Variants in TNS1 observed in about 807,000 individuals in gnomAD.
The protein encoded by TNS1 is tensin-1.
Under a neutral mutation model 168.6 loss-of-function variants are expected in TNS1, and 62 were observed. That is an observed-to-expected ratio of 0.37 (90% CI 0.30 to 0.45). The LOEUF (loss-of-function observed/expected upper bound fraction) is 0.45. Ranked by LOEUF, TNS1 falls within the 20% of genes least tolerant of loss-of-function variation. The pLI is 1.00. For missense variants in TNS1, 2,240 were observed against 2,339.4 expected, an observed-to-expected ratio of 0.96 and a Z score of 0.88; for synonymous variants, 934 against 933.2, an observed-to-expected ratio of 1.00 and a Z score of -0.02.
chr2:217,906,236 G>A (rs1047741481), intron 6 of TNS1, 99 bp downstream of exon 6: 4 of 671,560 alleles, frequency 6.0e-6, no homozygotes, highest in African/African-American at 5.3e-5. Flanking sequence ...AGAGGTAAAG[G>A]AAGCCCACGA....
chr2:217,840,203 G>A (rs1458971133), intron 19 of TNS1, among the ~76,000 whole-genome samples: 2 of 152,228 alleles, frequency 1.3e-5, no homozygotes, highest in African/African-American at 2.4e-5. Flanking sequence ...CTGCTCAGGG[G>A]CATGGTGTAG....
chr2:217,972,212 AG>A (rs1957788176), intron 3 of TNS1, among the ~76,000 whole-genome samples: 1 of 152,232 alleles, frequency 6.6e-6, no homozygotes, highest in Non-Finnish European at 1.5e-5. Context: ...AGAGAGGTTC[AG>A]TAACTTGCCC....
At chr2:217,963,292 C>A (rs148291228) in intron 3 of TNS1, among the ~76,000 whole-genome samples, 2,489 of 152,310 alleles carry the variant, frequency 0.016, 29 homozygotes, top group Non-Finnish European at 0.027. Flanking sequence ...GGATAATTGG[C>A]ACAGGTGCTC....
chr2:217,826,540 A>G (rs1943644431), intron 22 of TNS1, among the ~76,000 whole-genome samples: 1 of 152,136 alleles, frequency 6.6e-6, no homozygotes, highest in African/African-American at 2.4e-5. Flanking sequence ...CAGGAAAGAA[A>G]GTTCTTCCTA....
chr2:217,836,042 A>G lies in TNS1; in HGVS notation c.3177T>C (p.Ala1059=). The change falls in exon 20 of 33, where the codon GCT becomes GCC. Residue 1059 remains alanine, a synonymous_variant. Transcript: ENST00000682258. ...CVSPELALTI[A]LNPGGRPKEP... ...CTTTGGGCCGCCCTCCAGGATTGAGAGCGATGGTAAGAGCCAGCTCCGGGG... is the reference window on the plus strand; with the variant it reads ...CTTTGGGCCGCCCTCCAGGATTGAGGGCGATGGTAAGAGCCAGCTCCGGGG... 6.2e-7 allele frequency: 1 copy of G among 1,613,890 alleles called. No individual in the cohort carries two copies.
intron 1 of TNS1, among the ~76,000 whole-genome samples, chr2:218,001,725 G>A (rs999685937): frequency 6.6e-6 from 1 of 151,728 alleles, no homozygotes. Context: ...CCTCATTCCA[G>A]GCCCCCTCCC....
chr2:217,901,247 G>T (rs1177615257), intron 6 of TNS1, among the ~76,000 whole-genome samples: 1 of 152,152 alleles, frequency 6.6e-6, no homozygotes, highest in Non-Finnish European at 1.5e-5. Flanking sequence ...TGGATTCCAG[G>T]ATCCTGCTGG....
intron 3 of TNS1, among the ~76,000 whole-genome samples, chr2:217,973,056 A>G (rs1288577097): frequency 2.0e-5 from 3 of 152,226 alleles, no homozygotes; most frequent in Non-Finnish European, 4.4e-5. Flanking sequence ...ATGTGCTAAC[A>G]TAAAAGTGGA....
At chr2:218,024,602 T>C (rs1239808649) in intron 1 of TNS1, among the ~76,000 whole-genome samples, 3 of 152,054 alleles carry the variant, frequency 2.0e-5, no homozygotes, top group Non-Finnish European at 2.9e-5. Context: ...ATTCCCCTAA[T>C]GGTACTGCAG....
At chr2:217,839,073 C>T (rs1945569573) in intron 19 of TNS1, among the ~76,000 whole-genome samples, 1 of 151,884 alleles carries the variant, frequency 6.6e-6, no homozygotes, top group Non-Finnish European at 1.5e-5. Flanking sequence ...TACATACACA[C>T]ACACACACAC....
At position 217,909,102 on chromosome 2, in the gene TNS1, C is replaced by T. The variant is rs1477024614; in HGVS notation, c.229-1851G>A. 4.0e-5 allele frequency among the ~76,000 whole-genome samples: 6 copies of T among 150,740 alleles called. No homozygotes were observed. The East Asian group carries it at 5.9e-4, about 15-fold the overall frequency. ...CTACCAGGGACCACCCCCCACACCC[C>T]CTCCCCGCTAAAGCAGTGTCGCCCA... On this transcript the variant is annotated intron_variant, in intron 4 of 32. Transcript: ENST00000682258.
chr2:217,932,165 C>T (rs1052761886), intron 3 of TNS1, among the ~76,000 whole-genome samples: 2 of 152,164 alleles, frequency 1.3e-5, no homozygotes, highest in East Asian at 1.9e-4. Context: ...TCCATGAGAT[C>T]GTAACTCCTG....
intron 4 of TNS1, among the ~76,000 whole-genome samples, chr2:217,907,855 C>A (rs1177124362): frequency 6.6e-6 from 1 of 152,202 alleles, no homozygotes; most frequent in Non-Finnish European, 1.5e-5. Context: ...CCCCTAAACT[C>A]TTCTTGCCTG....
intron 32 of TNS1, among the ~76,000 whole-genome samples, chr2:217,805,509 A>ACACACCAC (rs1938516903): frequency 6.3e-5 from 4 of 63,746 alleles, no homozygotes; most frequent in African/African-American, 1.6e-4. Context: ...ACACACCACC[A>ACACACCAC]CACACACCAC....
At chr2:217,983,800 G>A (rs1217419604) in intron 2 of TNS1, among the ~76,000 whole-genome samples, 2 of 152,188 alleles carry the variant, frequency 1.3e-5, no homozygotes, top group African/African-American at 2.4e-5. Flanking sequence ...ACCCTGCCCT[G>A]CCAGTTCATC....
At chr2:217,941,067 C>A (rs1340084689) in intron 3 of TNS1, among the ~76,000 whole-genome samples, 2 of 152,224 alleles carry the variant, frequency 1.3e-5, no homozygotes, top group African/African-American at 4.8e-5. Flanking sequence ...GCCCGGACAA[C>A]CCGCATTATT....
At position 217,881,063 on chromosome 2, in the gene TNS1, G is replaced by A. The variant is rs780016804; in HGVS notation, c.1313-49C>T. The A allele has an allele frequency of 2.0e-5, 26 of 1,324,834 alleles. No homozygotes were observed. In the East Asian group the frequency reaches 4.6e-4, roughly 23 times the overall value. The allele number at this position is 1,324,834 out of a possible 1,614,324, so 82.1% of individuals were successfully genotyped here. On this transcript the variant is annotated intron_variant, in intron 17 of 32. Coordinates refer to ENST00000682258, the MANE Select transcript of TNS1 (RefSeq NM_001387777.1). ...GGCAGTCGGGGAGACAGTGCAGAGA[G>A]GGAAAAGAGATCAGCAGCTGGAAAA...
At position 217,919,823 on chromosome 2, in the gene TNS1, G is replaced by A. The variant is rs1056236646; in HGVS notation, c.228+372C>T. Among the ~76,000 whole-genome samples the A allele has an allele frequency of 3.3e-5, 5 of 152,286 alleles. 1 individual carries two copies. Among genetic ancestry groups the A allele is most frequent in the South Asian group, 4.1e-4 (2 of 4,822 alleles). On this transcript the variant is annotated intron_variant, in intron 4 of 32. Coordinates refer to ENST00000682258, the MANE Select transcript of TNS1 (RefSeq NM_001387777.1). ...GAATGGACTCTGAGGGTCATCCCCC[G>A]CCTCCAGCCCCAGGGTGCCTGACCC...
chr2:217,884,136 T>A (rs987640289), intron 16 of TNS1, among the ~76,000 whole-genome samples: 2 of 19,568 alleles, frequency 1.0e-4, no homozygotes, highest in South Asian at 3.7e-3. Flanking sequence ...GGTGGGTGGG[T>A]GGGTGGGTGG....
Sources: allele counts gnomAD v4.1 joint callset (sites outside exome capture counted in the v4.1 genomes callset), GRCh38; gene constraint gnomAD v4.1.1; transcripts MANE v1.5; gene names NCBI Gene and HGNC (gene_info 2026-07-23, HGNC 2026-07-21).